COL21A1: variants seen among roughly 807,000 people sequenced by gnomAD.
The protein encoded by COL21A1 is collagen alpha-1(XXI) chain.
A neutral mutation model predicts 137.9 loss-of-function variants in COL21A1; 149 were observed. That is an observed-to-expected ratio of 1.08 (90% CI 0.95 to 1.24). The LOEUF is 1.24. Ranked by LOEUF, COL21A1 falls within the 50% of genes most tolerant of loss-of-function variation. The pLI, the probability that COL21A1 is intolerant of heterozygous loss-of-function variation, is 0.00. For missense variants in COL21A1, 1,167 were observed against 1,158.4 expected (o/e 1.01, Z -0.11); for synonymous variants, 456 against 391.5 (o/e 1.16, Z -1.95).
intron 1 of COL21A1, among the ~76,000 whole-genome samples, chr6:56,293,125 G>A (rs1764090089): frequency 6.6e-6 from 1 of 152,128 alleles, no homozygotes. Context: ...AGTGAAAGCA[G>A]AAGTTTCCGT....
chr6:56,366,186 G>A (rs1410795366), intron 1 of COL21A1, among the ~76,000 whole-genome samples: 1 of 152,066 alleles, frequency 6.6e-6, no homozygotes, highest in East Asian at 1.9e-4. Flanking sequence ...GCCACAGCAG[G>A]AGGGAACGTG....
chr6:56,200,866 G>A (rs1398755759), intron 1 of COL21A1, among the ~76,000 whole-genome samples: 2 of 152,258 alleles, frequency 1.3e-5, no homozygotes, highest in African/African-American at 4.8e-5. Flanking sequence ...CTAGATGCCT[G>A]AGGAATCGCC....
intron 17 of COL21A1, among the ~76,000 whole-genome samples, chr6:56,092,864 G>A (rs921296599): frequency 6.6e-6 from 1 of 152,156 alleles, no homozygotes; most frequent in Non-Finnish European, 1.5e-5. Flanking sequence ...CAAGTCTGAA[G>A]TCAAAGTCTT....
At chr6:56,189,283 T>C (rs1353554975) in intron 1 of COL21A1, among the ~76,000 whole-genome samples, 2 of 151,848 alleles carry the variant, frequency 1.3e-5, no homozygotes, top group African/African-American at 2.4e-5. Flanking sequence ...AATGACCTGA[T>C]GGAGCTGAAA....
rs986689849 is a variant in COL21A1, at chr6:56,247,399, C to G, written c.-51G>C. The G allele has an allele frequency of 1.3e-5, 2 of 152,190 alleles. No individual in the cohort carries two copies. The highest frequency in any genetic ancestry group is 2.9e-5 in the Non-Finnish European group (2 of 68,142). 9.4% of individuals were successfully genotyped at this position (152,190 alleles called of 1,614,324 possible). On this transcript the variant is annotated 5_prime_UTR_variant, in exon 1 of 30. Transcript: ENST00000244728. ...GGTGTCTCCTTACCTGGCGCAGTGTCCAGGCTCGGGGTTGCCGTCGCAGCC... is the reference window on the plus strand; with the variant it reads ...GGTGTCTCCTTACCTGGCGCAGTGTGCAGGCTCGGGGTTGCCGTCGCAGCC...
chr6:56,288,819 T>C (rs1763972920), intron 1 of COL21A1, among the ~76,000 whole-genome samples: 1 of 152,186 alleles, frequency 6.6e-6, no homozygotes, highest in South Asian at 2.1e-4. Context: ...ATGATAGCAG[T>C]ACAGTGATGA....
chr6:56,124,024 T>A, intron 16 of COL21A1, 38 bp downstream of exon 16: 1 of 1,443,898 alleles, frequency 6.9e-7, no homozygotes, highest in Non-Finnish European at 9.2e-7. Flanking sequence ...GATACAAAAA[T>A]CTTTTTGTTT....
intron 10 of COL21A1, among the ~76,000 whole-genome samples, chr6:56,155,873 G>A (rs1010677358): frequency 5.3e-5 from 8 of 152,178 alleles, no homozygotes; most frequent in Admixed American, 4.6e-4. Context: ...GAATTGCTGG[G>A]ATTATAGGCG....
At chr6:56,209,176 C>G (rs899046577) in intron 1 of COL21A1, among the ~76,000 whole-genome samples, 2 of 151,942 alleles carry the variant, frequency 1.3e-5, no homozygotes, top group Non-Finnish European at 2.9e-5. Flanking sequence ...AATAAAAATC[C>G]TAGAATAAAA....
At chr6:56,280,047 C>G (rs1482699004) in intron 1 of COL21A1, among the ~76,000 whole-genome samples, 1 of 152,182 alleles carries the variant, frequency 6.6e-6, no homozygotes, top group Non-Finnish European at 1.5e-5. Flanking sequence ...CCATCTTTCA[C>G]TACATACGTT....
chr6:56,336,795 T>C (rs762883362), intron 1 of COL21A1, among the ~76,000 whole-genome samples: 4 of 152,244 alleles, frequency 2.6e-5, no homozygotes, highest in Admixed American at 6.5e-5. Flanking sequence ...TTAGGTTGTG[T>C]CTGCTCAACC....
At chr6:56,254,298 A>G (rs1274344892) in intron 1 of COL21A1, among the ~76,000 whole-genome samples, 1 of 152,216 alleles carries the variant, frequency 6.6e-6, no homozygotes, top group Non-Finnish European at 1.5e-5. Flanking sequence ...GAGGGAGGAC[A>G]AAGAGGTGGT....
rs375185276 is a variant in COL21A1 at position 56,213,765 on chromosome 6, C to T, written c.-38-31109G>A. 1.4e-4 allele frequency among the ~76,000 whole-genome samples: 21 copies of T among 152,068 alleles called. 1 individual carries two copies. Among genetic ancestry groups the T allele is most frequent in the African/African-American group, 5.1e-4 (21 of 41,524 alleles). On this transcript the variant is annotated intron_variant, in intron 1 of 29. Transcript: ENST00000244728. ...ACAGAAGGCACACAAATGTCAGATC[C>T]ATCATTTATTCAATAAATATTTACT... is the stretch of plus-strand genomic sequence containing the variant.
intron 3 of COL21A1, among the ~76,000 whole-genome samples, chr6:56,172,059 G>A (rs1361088108): frequency 8.8e-6 from 1 of 113,936 alleles, no homozygotes; most frequent in South Asian, 3.0e-4. Context: ...TATGCATTTT[G>A]CGAGTTCCAG....
intron 17 of COL21A1, among the ~76,000 whole-genome samples, chr6:56,082,474 A>G (rs1054174280): frequency 1.6e-4 from 24 of 151,904 alleles, no homozygotes; most frequent in African/African-American, 5.8e-4. Flanking sequence ...TACCTACCAC[A>G]TTTTTGGGGT....
chr6:56,061,272 G>A (rs1765780035), intron 25 of COL21A1: 1 of 522,896 alleles, frequency 1.9e-6, no homozygotes, highest in Non-Finnish European at 3.3e-6. Flanking sequence ...AACTGATTGA[G>A]TATATTGTAT....
intron 1 of COL21A1, among the ~76,000 whole-genome samples, chr6:56,205,240 A>C (rs1779683923): frequency 6.6e-6 from 1 of 152,220 alleles, no homozygotes; most frequent in Non-Finnish European, 1.5e-5. Flanking sequence ...ACCTTGAAAA[A>C]AGGTTAGACA....
At chr6:56,180,639 A>G (rs1349729386) in intron 2 of COL21A1, among the ~76,000 whole-genome samples, 1 of 152,194 alleles carries the variant, frequency 6.6e-6, no homozygotes, top group South Asian at 2.1e-4. Context: ...AAAAAATACC[A>G]TCTTTGGTGC....
chr6:56,218,229 T>C (rs1780608890), intron 1 of COL21A1, among the ~76,000 whole-genome samples: 1 of 152,014 alleles, frequency 6.6e-6, no homozygotes, highest in African/African-American at 2.4e-5. Context: ...AAAATGCACT[T>C]GATGAATATT....
Sources: gnomAD v4.1 joint callset for allele counts (sites outside exome capture counted in the v4.1 genomes callset) on GRCh38, gnomAD v4.1.1 for gene constraint, MANE v1.5 for transcripts, NCBI Gene and HGNC (gene_info 2026-07-23, HGNC 2026-07-21) for gene names.